Variants in DLGAP1 observed in about 807,000 individuals in gnomAD.
DLGAP1 encodes the protein disks large-associated protein 1.
In DLGAP1, 11 loss-of-function variants were observed where a neutral mutation model predicts 90.8. The ratio of observed to expected loss-of-function variants is 0.12; its 90% CI spans 0.08 to 0.20. The LOEUF (loss-of-function observed/expected upper bound fraction) is 0.20. Ranked by LOEUF, DLGAP1 falls within the 10% of genes least tolerant of loss-of-function variation. The probability of loss-of-function intolerance (pLI) is 1.00; values close to 1 mark genes in which losing one functional copy is unlikely to be tolerated. For synonymous variants in DLGAP1, 558 were observed against 540.7 expected (o/e 1.03, Z -0.44); for missense variants, 1,050 against 1,333.8 (o/e 0.79, Z 3.31).
intron 7 of DLGAP1, among the ~76,000 whole-genome samples, chr18:3,707,797 G>A (rs1432204249): frequency 6.6e-6 from 1 of 152,070 alleles, no homozygotes; most frequent in Non-Finnish European, 1.5e-5. Context: ...GCTTCTTGGA[G>A]CTCTTTGGTC....
chr18:4,179,275 ATC>A (rs2077167831), intron 1 of DLGAP1, among the ~76,000 whole-genome samples: 1 of 152,166 alleles, frequency 6.6e-6, no homozygotes. Context: ...CATAGGAATC[ATC>A]TGAGGGTGCC....
intron 1 of DLGAP1, among the ~76,000 whole-genome samples, chr18:4,435,877 G>T (rs2083388184): frequency 6.6e-6 from 1 of 152,144 alleles, no homozygotes; most frequent in Non-Finnish European, 1.5e-5. Flanking sequence ...GGAAAGAGAG[G>T]ACAGGCTGTA....
intron 2 of DLGAP1, among the ~76,000 whole-genome samples, chr18:4,013,162 A>T (rs780239601): frequency 1.1e-4 from 17 of 152,170 alleles, no homozygotes; most frequent in Non-Finnish European, 2.1e-4. Flanking sequence ...TTTTAGCCCT[A>T]GTGTGTCTTG....
At chr18:4,278,671 T>G (rs914177875) in intron 1 of DLGAP1, among the ~76,000 whole-genome samples, 3 of 152,124 alleles carry the variant, frequency 2.0e-5, no homozygotes, top group African/African-American at 7.2e-5. Flanking sequence ...TGTATGTGTG[T>G]GTGTGGGTGT....
chr18:3,504,509 T>C (rs2050111810), intron 11 of DLGAP1, among the ~76,000 whole-genome samples: 1 of 152,084 alleles, frequency 6.6e-6, no homozygotes, highest in South Asian at 2.1e-4. Context: ...CTCAGCCTCC[T>C]GAGTAACTGG....
Position 3,499,254 on chromosome 18 carries a change from G to GCGGA in DLGAP1, c.2861_2864dup (p.Gln956ProfsTer61). The stretch of plus-strand genomic sequence containing the variant: ...CGGCGCTCTCGGTGGCCGAGTTCTG[G>GCGGA]CGGACGGACGCGGCGCGCTTGGCGG... On this transcript the variant is annotated frameshift_variant, in exon 13 of 13. Transcript: ENST00000315677. LOFTEE classifies it high-confidence loss of function. The surrounding 1 kb of genome is among the most constrained non-coding windows in gnomAD (Gnocchi z 6.4). The GCGGA allele has an allele frequency of 6.3e-7, 1 of 1,599,448 alleles. No homozygotes were observed. Among genetic ancestry groups the GCGGA allele is most frequent in the Non-Finnish European group, 8.5e-7 (1 of 1,174,506 alleles).
At chr18:3,772,322 CTT>C (rs2064638351) in intron 5 of DLGAP1, among the ~76,000 whole-genome samples, 1 of 86,006 alleles carries the variant, frequency 1.2e-5, no homozygotes, top group African/African-American at 3.5e-5. Context: ...TCCTTCCTTC[CTT>C]TCTCTCCTTC....
chr18:4,287,872 T>A (rs2079739780), intron 1 of DLGAP1, among the ~76,000 whole-genome samples: 1 of 151,232 alleles, frequency 6.6e-6, no homozygotes, highest in Non-Finnish European at 1.5e-5. Context: ...TTTTAAAAAA[T>A]AAAATAATAA....
chr18:3,745,934 C>T (rs2063251556), intron 5 of DLGAP1, among the ~76,000 whole-genome samples: 1 of 152,128 alleles, frequency 6.6e-6, no homozygotes, highest in Non-Finnish European at 1.5e-5. Flanking sequence ...AGGGATCTGC[C>T]CACCTTGGCC....
At chr18:4,443,579 T>C (rs985269476) in intron 1 of DLGAP1, among the ~76,000 whole-genome samples, 1 of 152,348 alleles carries the variant, frequency 6.6e-6, no homozygotes, top group Non-Finnish European at 1.5e-5. Flanking sequence ...AGCCAGTCAC[T>C]ACCGTGTAGC....
At chr18:4,313,513 C>G (rs897680243) in intron 1 of DLGAP1, among the ~76,000 whole-genome samples, 1 of 152,046 alleles carries the variant, frequency 6.6e-6, no homozygotes, top group Admixed American at 6.6e-5. Flanking sequence ...AATAGGGAGA[C>G]CAAAATGTGT....
intron 3 of DLGAP1, among the ~76,000 whole-genome samples, chr18:4,003,305 T>C (rs2074235105): frequency 6.6e-6 from 1 of 152,138 alleles, no homozygotes; most frequent in Admixed American, 6.5e-5. Flanking sequence ...CACCTGGACA[T>C]CCTCAGGCAC....
chr18:3,601,027 T>G (rs11664155), intron 7 of DLGAP1, among the ~76,000 whole-genome samples: 52,478 of 116,316 alleles, frequency 0.45, 15,384 homozygotes, highest in Middle Eastern at 0.64. Flanking sequence ...TATAGATATA[T>G]AGATATAGAG....
chr18:4,220,914 T>C (rs2078061429), intron 1 of DLGAP1, among the ~76,000 whole-genome samples: 1 of 152,166 alleles, frequency 6.6e-6, no homozygotes, highest in African/African-American at 2.4e-5. Context: ...AATATCATAT[T>C]TTCACTGTGC....
chr18:3,816,793 C>T (rs1033877657), intron 4 of DLGAP1, among the ~76,000 whole-genome samples: 3 of 152,140 alleles, frequency 2.0e-5, no homozygotes, highest in Non-Finnish European at 4.4e-5. Context: ...CATATCTTGA[C>T]CACTGTTTAA....
intron 4 of DLGAP1, among the ~76,000 whole-genome samples, chr18:3,847,933 T>A (rs3850808): frequency 0.92 from 139,713 of 151,850 alleles, 64,561 homozygotes; most frequent in East Asian, 1. Flanking sequence ...GTTTGAGACC[T>A]CCCTGGGCAA....
chr18:4,304,216 G>A (rs2080195621), intron 1 of DLGAP1, among the ~76,000 whole-genome samples: 1 of 152,142 alleles, frequency 6.6e-6, no homozygotes. Flanking sequence ...GGAGATTGAT[G>A]GTGGTAATGG....
intron 7 of DLGAP1, among the ~76,000 whole-genome samples, chr18:3,687,959 T>A (rs2060759252): frequency 1.3e-5 from 2 of 148,908 alleles, no homozygotes; most frequent in Non-Finnish European, 3.0e-5. Flanking sequence ...CAGGCTGGAG[T>A]GCAGTGGTGC....
At chr18:4,391,343 CT>C (rs1207968781) in intron 1 of DLGAP1, among the ~76,000 whole-genome samples, 1 of 152,154 alleles carries the variant, frequency 6.6e-6, no homozygotes, top group Non-Finnish European at 1.5e-5. Context: ...CTTCATCCTG[CT>C]TTTGCCTTTG....
Sources: gnomAD v4.1 joint callset for allele counts (sites outside exome capture counted in the v4.1 genomes callset) on GRCh38, gnomAD v4.1.1 for gene constraint, Gnocchi (gnomAD v3.1) non-coding constraint, MANE v1.5 for transcripts, NCBI Gene and HGNC (gene_info 2026-07-23, HGNC 2026-07-21) for gene names.